Variants in FAT4 observed in about 807,000 individuals in gnomAD.
FAT4 encodes the protein FAT atypical cadherin 4.
FAT4 carries 84 observed loss-of-function variants against 303.9 expected under a neutral mutation model. The observed-to-expected ratio is 0.28, with a 90% CI of 0.23 to 0.33. The LOEUF is 0.33. Ranked by LOEUF, FAT4 falls within the 10% of genes least tolerant of loss-of-function variation. The pLI is 1.00. For synonymous variants in FAT4, 2,307 were observed against 2,298.8 expected (o/e 1.00, Z -0.10); for missense variants, 6,005 against 6,146.8 (o/e 0.98, Z 0.77).
In FAT4 at chr4:125,321,037, G is replaced by A; in HGVS notation, c.4626G>A (p.Val1542=). 6.2e-7 allele frequency: 1 copy of A among 1,614,210 alleles called. No homozygotes were observed. Among genetic ancestry groups the A allele is most frequent in the Non-Finnish European group, 8.5e-7 (1 of 1,180,020 alleles). Residue 1542 remains valine, a synonymous_variant, in exon 2 of 18, where the codon GTG becomes GTA. Coordinates refer to ENST00000394329, the MANE Select transcript of FAT4 (RefSeq NM_001291303.3). The part of the protein sequence containing the change: ...QNALAADPSA[V]IGSVLTTIMA... ...CCCTTGCTGCAGACCCATCAGCTGT[G>A]ATTGGTTCCGTTCTGACAACAATTA... is the stretch of plus-strand genomic sequence containing the variant.
intron 2 of FAT4, among the ~76,000 whole-genome samples, chr4:125,329,124 A>G (rs1478010889): frequency 6.6e-6 from 1 of 152,164 alleles, no homozygotes; most frequent in Non-Finnish European, 1.5e-5. Context: ...TCTAAATCCC[A>G]AGGCAGGAAT....
chr4:125,476,528 A>G (rs531402118), intron 13 of FAT4, among the ~76,000 whole-genome samples: 1 of 152,310 alleles, frequency 6.6e-6, no homozygotes. Flanking sequence ...AAATAATTGC[A>G]TATGACCTTC....
At chr4:125,418,140 G>T (rs1735143199) in intron 7 of FAT4, among the ~76,000 whole-genome samples, 1 of 152,056 alleles carries the variant, frequency 6.6e-6, no homozygotes, top group Non-Finnish European at 1.5e-5. Flanking sequence ...GGAAAAATAT[G>T]GCAGCTATTA....
At position 125,449,474 on chromosome 4, in the gene FAT4, A is replaced by C. The variant is rs761171886; in HGVS notation, c.8464A>C (p.Ile2822Leu). The change falls in exon 10 of 18, where the codon ATT (isoleucine) becomes CTT (leucine). Residue 2822 changes from isoleucine (I) to leucine (L), a missense_variant. By Grantham distance (5) the Ile-to-Leu change is conservative. Coordinates refer to ENST00000394329, the MANE Select transcript of FAT4 (RefSeq NM_001291303.3). Reference sequence around the variant, plus strand: ...AATGGATGCAAGTCTTCCATTTACAATTAATCCCAGCACAGGGGATATTGT... The same window carrying C: ...AATGGATGCAAGTCTTCCATTTACACTTAATCCCAGCACAGGGGATATTGT... ...SIMDASLPFT[I>L]NPSTGDIVIS... The C allele has an allele frequency of 5.0e-6, 8 of 1,613,752 alleles. No individual in the cohort carries two copies. Among genetic ancestry groups the C allele is most frequent in the Non-Finnish European group, 6.8e-6 (8 of 1,179,838 alleles).
chr4:125,384,226 A>G (rs907016662), intron 2 of FAT4, among the ~76,000 whole-genome samples: 1 of 152,206 alleles, frequency 6.6e-6, no homozygotes, highest in African/African-American at 2.4e-5. Context: ...GCTATATTTA[A>G]CATATTGAGG....
At chr4:125,411,870 ATAT>A (rs1179677243) in intron 5 of FAT4, among the ~76,000 whole-genome samples, 1 of 150,752 alleles carries the variant, frequency 6.6e-6, no homozygotes, top group Non-Finnish European at 1.5e-5. Flanking sequence ...ATATATATAT[ATAT>A]GACGAAACCA....
rs781654504 is a variant in FAT4, at chr4:125,317,074, G to T, written c.663G>T (p.Glu221Asp). The stretch of plus-strand genomic sequence containing the variant: ...CTCCGCAGTACCAGCTCCTGGTTGA[G>T]GTGGAGGACAAGGGTGAGCCTAAGC... ...EVTPQYQLLV[E>D]VEDKGEPKRR... The change falls in exon 2 of 18, where the codon GAG becomes GAT. Residue 221 changes from glutamate (E) to aspartate (D), a missense_variant. Glu to Asp is a conservative substitution (Grantham distance 45). Coordinates refer to ENST00000394329, the MANE Select transcript of FAT4 (RefSeq NM_001291303.3). The surrounding 1 kb of genome is among the most constrained non-coding windows in gnomAD (Gnocchi z 7.0). 6.2e-7 allele frequency: 1 copy of T among 1,614,042 alleles called. No individual in the cohort carries two copies. Among genetic ancestry groups the T allele is most frequent in the Non-Finnish European group, 8.5e-7 (1 of 1,180,034 alleles).
Position 125,491,492 on chromosome 4 carries a change from T to C in FAT4, c.14676T>C (p.Pro4892=), listed in dbSNP as rs1727640208. ...ATAATTATGGAGCCAGACTGAAGCC[T>C]CGAAGGTACCACGGTCGCAGGGCCG... ...DEDNYGARLK[P]RRYHGRRAEG... The change falls in exon 18 of 18, where the codon CCT becomes CCC. Residue 4892 remains proline (P), a synonymous_variant. Coordinates refer to ENST00000394329, the MANE Select transcript of FAT4 (RefSeq NM_001291303.3). The C allele has an allele frequency of 6.2e-7, 1 of 1,614,110 alleles. No individual in the cohort carries two copies. Among genetic ancestry groups the C allele is most frequent in the Non-Finnish European group, 8.5e-7 (1 of 1,180,020 alleles).
chr4:125,321,387 C>G lies in FAT4; in HGVS notation c.4976C>G (p.Ser1659Cys). The change falls in exon 2 of 18, where the codon TCT becomes TGT. Residue 1659 changes from serine (S) to cysteine (C), a missense_variant. Transcript: ENST00000394329. Reference protein sequence around the residue: ...ISIEAASPRGSEAPVEYYIVS... With the variant: ...ISIEAASPRGCEAPVEYYIVS... ...ATAGAAGCAGCTAGCCCCAGAGGAT[C>G]TGAGGCCCCAGTGGAGTATTATATT... 6.2e-7 allele frequency: 1 copy of G among 1,614,122 alleles called. No individual in the cohort carries two copies. The highest frequency in any genetic ancestry group is 8.5e-7 in the Non-Finnish European group (1 of 1,179,992).
chr4:125,404,630 A>C (rs1232963506), intron 3 of FAT4, among the ~76,000 whole-genome samples: 1 of 152,168 alleles, frequency 6.6e-6, no homozygotes, highest in African/African-American at 2.4e-5. Context: ...TGTACAATAC[A>C]GTATTGTTAA....
At chr4:125,420,833 C>G (rs1724843257) in intron 7 of FAT4, among the ~76,000 whole-genome samples, 1 of 152,200 alleles carries the variant, frequency 6.6e-6, no homozygotes, top group African/African-American at 2.4e-5. Flanking sequence ...GGTCGTATTG[C>G]TACTCTGTGC....
At chr4:125,340,144 T>C (rs1453645867) in intron 2 of FAT4, among the ~76,000 whole-genome samples, 1 of 152,080 alleles carries the variant, frequency 6.6e-6, no homozygotes, top group African/African-American at 2.4e-5. Flanking sequence ...TTCTTTTCTA[T>C]TTTGTGGATA....
At position 125,490,643 on chromosome 4, in the gene FAT4, C is replaced by T. The variant is rs767553555; in HGVS notation, c.13827C>T (p.Ser4609=). 89 of 1,614,020 alleles carry T rather than the reference C, an allele frequency of 5.5e-5. No homozygotes were observed. Among genetic ancestry groups the T allele is most frequent in the Admixed American group, 1.3e-4 (8 of 59,996 alleles). Residue 4609 remains serine (S), a synonymous_variant, in exon 18 of 18, where the codon AGC becomes AGT. Coordinates refer to ENST00000394329, the MANE Select transcript of FAT4 (RefSeq NM_001291303.3). The part of the protein sequence containing the change: ...DIPHNSETIP[S]APLASPEQEI... ...CTCACAACTCAGAAACCATCCCCAG[C>T]GCCCCTTTGGCATCTCCAGAGCAGG...
At chr4:125,352,838 A>G (rs1264035423) in intron 2 of FAT4, among the ~76,000 whole-genome samples, 9 of 151,740 alleles carry the variant, frequency 5.9e-5, no homozygotes, top group Admixed American at 4.6e-4. Context: ...AAAAAATGCC[A>G]GAGTCAACTG....
chr4:125,427,268 AT>A (rs1725117538), intron 7 of FAT4, among the ~76,000 whole-genome samples: 1 of 151,902 alleles, frequency 6.6e-6, no homozygotes, highest in South Asian at 2.1e-4. Context: ...TGGTTTAGTG[AT>A]TAAGTATATT....
rs80234380 is a variant in FAT4 at position 125,434,516 on chromosome 4, C to T, written c.7199+91C>T. 0.012 allele frequency: 13,990 copies of T among 1,135,858 alleles called. 803 individuals carry two copies. In the Admixed American group the frequency reaches 0.15, roughly 13 times the overall value. 70.4% of individuals were successfully genotyped at this position (1,135,858 alleles called of 1,614,324 possible). ...GAATATAATGTTTAATTTAAATGAA[C>T]GTCATATTAACACATATCCTCTTCT... On this transcript the variant is annotated intron_variant, in intron 8 of 17. Transcript: ENST00000394329.
chr4:125,448,777 C>T lies in FAT4; in HGVS notation c.7767C>T (p.Thr2589=). 1 of 1,611,728 alleles carries T rather than the reference C, an allele frequency of 6.2e-7. No individual in the cohort carries two copies. The highest frequency in any genetic ancestry group is 1.1e-5 in the South Asian group (1 of 91,066). The part of the protein sequence containing the change: ...PENQPVSSLV[T]TITGSSLRGE... ...ACCAACCAGTCAGCTCTCTTGTCAC[C>T]ACCATCACAGGATCCTCTTTAAGAG... The change falls in exon 10 of 18, where the codon ACC becomes ACT. Residue 2589 remains threonine, a synonymous_variant. Coordinates refer to ENST00000394329, the MANE Select transcript of FAT4 (RefSeq NM_001291303.3).
At position 125,451,226 on chromosome 4, in the gene FAT4, T is replaced by C. The variant is rs1208159100; in HGVS notation, c.10216T>C (p.Phe3406Leu). 1 of 1,614,082 alleles carries C rather than the reference T, an allele frequency of 6.2e-7. No homozygotes were observed. The highest frequency in any genetic ancestry group is 1.3e-5 in the African/African-American group (1 of 75,040). The change falls in exon 10 of 18, where the codon TTT becomes CTT. Residue 3406 changes from phenylalanine (F) to leucine (L), a missense_variant. By Grantham distance (22) the Phe-to-Leu change is conservative. Coordinates refer to ENST00000394329, the MANE Select transcript of FAT4 (RefSeq NM_001291303.3). ...GCTTGATGCAAATGACCCACCCATT[T>C]TTACTCTAAACATCTACAGTGTGCA... The part of the protein sequence containing the change: ...TVLDANDPPI[F>L]TLNIYSVQIS...
chr4:125,415,888 G>A (rs573188871), intron 6 of FAT4, 82 bp downstream of exon 6: 5 of 1,055,704 alleles, frequency 4.7e-6, no homozygotes, highest in South Asian at 1.7e-5. Context: ...CAGCGTTTAC[G>A]CTTCCCCTGT....
Sources: gnomAD v4.1 joint callset for allele counts (sites outside exome capture counted in the v4.1 genomes callset) on GRCh38, gnomAD v4.1.1 for gene constraint, Gnocchi (gnomAD v3.1) non-coding constraint, MANE v1.5 for transcripts, NCBI Gene and HGNC (gene_info 2026-07-23, HGNC 2026-07-21) for gene names.